RCOR1: variants seen among roughly 807,000 people sequenced by gnomAD.
RCOR1 encodes the protein REST corepressor.
A neutral mutation model predicts 64.0 loss-of-function variants in RCOR1; 12 were observed. The observed-to-expected ratio is 0.19, with a 90% CI of 0.12 to 0.30. The LOEUF (loss-of-function observed/expected upper bound fraction) is 0.30, where lower values mean the gene tolerates loss of function less well. Ranked by LOEUF, RCOR1 falls within the 10% of genes least tolerant of loss-of-function variation. The pLI is 1.00. For synonymous variants in RCOR1, 279 were observed against 227.2 expected, an observed-to-expected ratio of 1.23 and a Z score of -2.05; for missense variants, 502 against 621.2, an observed-to-expected ratio of 0.81 and a Z score of 2.04.
rs74084122 is a variant in RCOR1, at chr14:102,699,765, T to G, written c.446-1513T>G. Among the ~76,000 whole-genome samples, 927 of 152,276 alleles carry G rather than the reference T, an allele frequency of 6.1e-3. 10 individuals are homozygous for G. Among genetic ancestry groups the G allele is most frequent in the African/African-American group, 0.022 (894 of 41,530 alleles). On this transcript the variant is annotated intron_variant, in intron 3 of 11. Transcript: ENST00000262241. ...GTTCTATGCTCCTTGATTTTTTTTT[T>G]TTTTAGCTTGTGTTGTTGTTATTTT... is the stretch of plus-strand genomic sequence containing the variant.
intron 2 of RCOR1, among the ~76,000 whole-genome samples, chr14:102,665,336 A>T (rs1379328188): frequency 2.1e-5 from 3 of 146,160 alleles, no homozygotes; most frequent in African/African-American, 7.6e-5. Context: ...TTTTTAAATA[A>T]AATAGGCTTT....
At position 102,721,052 on chromosome 14, in the gene RCOR1, G is replaced by C; in HGVS notation, c.1099G>C (p.Asp367His). 5.7e-6 allele frequency: 9 copies of C among 1,580,612 alleles called. No homozygotes were observed. Among genetic ancestry groups the C allele is most frequent in the Non-Finnish European group, 6.9e-6 (8 of 1,159,486 alleles). The change falls in exon 9 of 12, where the codon GAT becomes CAT. Residue 367 changes from aspartate (D) to histidine (H), a missense_variant. By Grantham distance (81) the Asp-to-His change is moderately conservative. This residue lies in a region of RCOR1 where 260 missense variants were observed against 416.4 expected (regional missense o/e 0.62). Coordinates refer to ENST00000262241, the MANE Select transcript of RCOR1 (RefSeq NM_015156.4). Reference protein sequence around the residue: ...QTNSALKEKLDGGIEPYRLPE... With the variant: ...QTNSALKEKLHGGIEPYRLPE... ...AAACAGTGCTCTCAAAGAAAAACTT[G>C]ATGGTGGAATAGAACCATATCGACT... is the stretch of plus-strand genomic sequence containing the variant.
At chr14:102,655,116 T>C (rs1894695764) in intron 2 of RCOR1, 2 of 275,478 alleles carry the variant, frequency 7.3e-6, no homozygotes, top group African/African-American at 4.9e-5. Flanking sequence ...CAACCTTTTT[T>C]TTTTTTTTTT....
intron 4 of RCOR1, 102 bp downstream of exon 4, chr14:102,701,432 T>C (rs754311325): frequency 3.6e-5 from 31 of 863,476 alleles, no homozygotes; most frequent in Non-Finnish European, 5.3e-5. Flanking sequence ...TGTTTCTTCA[T>C]TAGCAACTTT....
chr14:102,676,637 T>A (rs1330874166), intron 2 of RCOR1, among the ~76,000 whole-genome samples: 2 of 77,170 alleles, frequency 2.6e-5, no homozygotes, highest in Non-Finnish European at 5.1e-5. Flanking sequence ...GGGGGGCTGA[T>A]CCCCCCACCT....
intron 3 of RCOR1, among the ~76,000 whole-genome samples, chr14:102,691,828 C>G (rs576275481): frequency 2.6e-5 from 4 of 152,304 alleles, no homozygotes; most frequent in African/African-American, 9.6e-5. Flanking sequence ...TTTATCCTTT[C>G]TGTTGACAGT....
chr14:102,609,643 A>G (rs921898561), intron 2 of RCOR1, among the ~76,000 whole-genome samples: 2 of 150,752 alleles, frequency 1.3e-5, no homozygotes, highest in African/African-American at 2.4e-5. Context: ...ACAGGGTTTC[A>G]CCGTGTTGGC....
At chr14:102,667,724 A>C (rs1595220655) in intron 2 of RCOR1, among the ~76,000 whole-genome samples, 1 of 152,074 alleles carries the variant, frequency 6.6e-6, no homozygotes, top group African/African-American at 2.4e-5. Flanking sequence ...GATGGGGCTC[A>C]GTGGGTTTTG....
intron 2 of RCOR1, among the ~76,000 whole-genome samples, chr14:102,639,548 TATTG>T (rs1450927007): frequency 1.5e-5 from 2 of 134,952 alleles, no homozygotes; most frequent in Non-Finnish European, 3.2e-5. Context: ...TTTATTTATT[TATTG>T]AGATGGAGTC....
chr14:102,660,149 ACC>A (rs1338354097), intron 2 of RCOR1, among the ~76,000 whole-genome samples: 1 of 152,188 alleles, frequency 6.6e-6, no homozygotes, highest in Non-Finnish European at 1.5e-5. Context: ...GTAGGTACAC[ACC>A]TAGAATTTCA....
chr14:102,617,135 A>G (rs748197972), intron 2 of RCOR1, among the ~76,000 whole-genome samples: 9 of 152,224 alleles, frequency 5.9e-5, no homozygotes, highest in Admixed American at 2.0e-4. Context: ...TGTAGGTTCT[A>G]TAAACAGTGC....
intron 2 of RCOR1, among the ~76,000 whole-genome samples, chr14:102,597,892 G>A (rs1377663691): frequency 6.7e-6 from 1 of 148,656 alleles, no homozygotes; most frequent in African/African-American, 2.5e-5. Flanking sequence ...TCTCGATCTC[G>A]GCTCACCTCA....
chr14:102,645,011 C>T (rs1894451592), intron 2 of RCOR1, among the ~76,000 whole-genome samples: 1 of 152,200 alleles, frequency 6.6e-6, no homozygotes, highest in Non-Finnish European at 1.5e-5. Flanking sequence ...ACCTTCCCCT[C>T]ATTTTGTACT....
chr14:102,711,853 C>G (rs1370775926), intron 7 of RCOR1, among the ~76,000 whole-genome samples: 1 of 152,152 alleles, frequency 6.6e-6, no homozygotes, highest in Non-Finnish European at 1.5e-5. Context: ...TATCCATAAT[C>G]ACTGTCAACC....
chr14:102,653,005 T>C (rs1001252157), intron 2 of RCOR1, among the ~76,000 whole-genome samples: 2 of 152,188 alleles, frequency 1.3e-5, no homozygotes, highest in African/African-American at 4.8e-5. Context: ...TGATCTTGGC[T>C]CACTGCAACC....
At chr14:102,627,203 T>C (rs2139905868) in intron 2 of RCOR1, among the ~76,000 whole-genome samples, 1 of 152,330 alleles carries the variant, frequency 6.6e-6, no homozygotes, top group Non-Finnish European at 1.5e-5. Flanking sequence ...CTGTAACTGC[T>C]AGCTAAGGCC....
chr14:102,632,649 C>CT (rs1567415146), intron 2 of RCOR1, among the ~76,000 whole-genome samples: 2 of 64,830 alleles, frequency 3.1e-5, no homozygotes, highest in African/African-American at 9.2e-5. Flanking sequence ...CTTTCCTTTC[C>CT]TTTCCTTTCC....
chr14:102,655,101 G>C (rs961948836), intron 2 of RCOR1: 26 of 352,306 alleles, frequency 7.4e-5, no homozygotes, highest in Non-Finnish European at 9.9e-5. Flanking sequence ...ATTCACCACC[G>C]CGGACAACCT....
chr14:102,665,645 T>A (rs748570109), intron 2 of RCOR1, among the ~76,000 whole-genome samples: 53 of 152,170 alleles, frequency 3.5e-4, no homozygotes, highest in Non-Finnish European at 6.6e-4. Context: ...TCGTCATCAC[T>A]CAATAACAAA....
Sources: allele counts gnomAD v4.1 joint callset (sites outside exome capture counted in the v4.1 genomes callset), GRCh38; gene constraint gnomAD v4.1.1; regional missense constraint gnomAD v4.1.1; transcripts MANE v1.5; gene names NCBI Gene and HGNC (gene_info 2026-07-23, HGNC 2026-07-21).